The following CD5 variants were observed in gnomAD, a reference collection of about 807,000 sequenced individuals.
CD5 encodes T-cell surface glycoprotein CD5.
A neutral mutation model predicts 60.3 loss-of-function variants in CD5; 36 were observed. That is an observed-to-expected ratio of 0.60 (90% CI 0.46 to 0.79). The LOEUF (loss-of-function observed/expected upper bound fraction) is 0.79. Among genes scored for constraint, CD5 ranks in the 30% least tolerant of loss-of-function variants. The pLI is 0.00. For synonymous variants in CD5, 230 were observed against 257.6 expected, an observed-to-expected ratio of 0.89 and a Z score of 1.03; for missense variants, 540 against 630.6, an observed-to-expected ratio of 0.86 and a Z score of 1.54.
upstream of CD5, among the ~76,000 whole-genome samples, chr11:61,101,241 T>A (rs1370513056): frequency 9.1e-5 from 6 of 66,188 alleles, no homozygotes; most frequent in South Asian, 8.6e-4. Flanking sequence ...GGAGATCACA[T>A]TCACACACAT....
chr11:61,114,977 G>T, intron 1 of CD5, 79 bp from the exon 2 acceptor site: 1 of 1,391,626 alleles, frequency 7.2e-7, no homozygotes, highest in South Asian at 1.3e-5. Context: ...GCCATTGCTC[G>T]GGCTGTGGGT....
Position 61,119,396 on chromosome 11 carries a change from T to A in CD5, c.626T>A (p.Phe209Tyr). 1 of 1,614,142 alleles carries A rather than the reference T, an allele frequency of 6.2e-7. No individual in the cohort carries two copies. The highest frequency in any genetic ancestry group is 8.5e-7 in the Non-Finnish European group (1 of 1,180,024). The change falls in exon 5 of 11, where the codon TTC (phenylalanine) becomes TAC (tyrosine). Residue 209 changes from phenylalanine (F) to tyrosine (Y), a missense_variant. Physicochemically the swap from Phe to Tyr is conservative, Grantham distance 22. Coordinates refer to ENST00000347785, the MANE Select transcript of CD5 (RefSeq NM_014207.4). ...TGCAACAACCTCCAGTGTGGCTCCT[T>A]CTTGAAGCATCTGCCAGAGACTGAG... ...FLCNNLQCGSFLKHLPETEAG... is the reference protein window; with the variant it reads ...FLCNNLQCGSYLKHLPETEAG...
At chr11:61,099,631 ATT>A (rs1416880782), upstream of CD5, among the ~76,000 whole-genome samples, 3 of 151,088 alleles carry the variant, frequency 2.0e-5, no homozygotes, top group East Asian at 3.9e-4. Flanking sequence ...TGGAGATCAC[ATT>A]CACACACATC....
At chr11:61,126,156 G>A (rs887349155) in intron 10 of CD5, 132 bp from the exon 11 acceptor site, 7 of 232,734 alleles carry the variant, frequency 3.0e-5, no homozygotes, top group African/African-American at 1.1e-4. Context: ...ACCTGCCAGC[G>A]GGCAGAAGGA....
At chr11:61,096,547 G>C in the CD5 span, among the ~76,000 whole-genome samples, 18 of 152,186 alleles carry the variant, frequency 1.2e-4, no homozygotes, top group African/African-American at 4.3e-4. Context: ...TCGGTGGGGG[G>C]ACATGAGATA....
rs1401070281 is a variant in CD5, at chr11:61,121,852, G to A, written c.1047G>A (p.Gln349=). The A allele has an allele frequency of 1.9e-6, 3 of 1,576,570 alleles. No individual in the cohort carries two copies. The highest frequency in any genetic ancestry group is 2.3e-5 in the East Asian group (1 of 43,494). ...GLFCPHQKLS[Q]CHELWERNSY... is the part of the protein sequence containing the mutation. Reference sequence around the variant, plus strand: ...TCTGTCCCCATCAGAAGCTGTCCCAGTGCCACGAACTTTGGGAGAGAAATT... The same window carrying A: ...TCTGTCCCCATCAGAAGCTGTCCCAATGCCACGAACTTTGGGAGAGAAATT... The change falls in exon 6 of 11, where the codon CAG becomes CAA. Residue 349 remains glutamine, a synonymous_variant. Coordinates refer to ENST00000347785, the MANE Select transcript of CD5 (RefSeq NM_014207.4).
chr11:61,114,846 G>GA (rs199921944), intron 1 of CD5, among the ~76,000 whole-genome samples: 14 of 151,798 alleles, frequency 9.2e-5, no homozygotes, highest in African/African-American at 2.4e-4. Context: ...TTTTTAAGAA[G>GA]AAAAAAAATC....
intron 1 of CD5, among the ~76,000 whole-genome samples, chr11:61,106,720 G>C (rs951764728): frequency 6.6e-6 from 1 of 152,158 alleles, no homozygotes; most frequent in African/African-American, 2.4e-5. Flanking sequence ...CTGTGTTTGC[G>C]TATGAACACA....
At chr11:61,103,349 C>A (rs1282170546) in intron 1 of CD5, among the ~76,000 whole-genome samples, 1 of 152,158 alleles carries the variant, frequency 6.6e-6, no homozygotes, top group Non-Finnish European at 1.5e-5. Flanking sequence ...CTGGATGAGG[C>A]CTGACCCACT....
chr11:61,119,131 C>A (rs1258564350), intron 4 of CD5, 103 bp from the exon 5 acceptor site: 4 of 1,231,086 alleles, frequency 3.2e-6, no homozygotes, highest in East Asian at 2.3e-5. Flanking sequence ...CAAGGCTAAG[C>A]GTTAGTCAGT....
In CD5 at chr11:61,118,963, C is replaced by T. The variant is rs753934519; in HGVS notation, c.449C>T (p.Thr150Ile). The T allele has an allele frequency of 5.0e-6, 8 of 1,613,746 alleles. No individual in the cohort carries two copies. Among genetic ancestry groups the T allele is most frequent in the Non-Finnish European group, 5.9e-6 (7 of 1,179,722 alleles). Residue 150 changes from threonine (T) to isoleucine (I), a missense_variant, in exon 4 of 11, where the codon ACT becomes ATT. Transcript: ENST00000347785. This position sits in a 1 kb window ranked among gnomAD's most constrained non-coding sequence, Gnocchi z 4.7. ...PPTTRPPPTT[T>I]PEPTAPPRLQ... The stretch of plus-strand genomic sequence containing the variant: ...ACGACAAGGCCCCCGCCCACCACAA[C>T]TCCAGAGCCCACAGGTAAGAGGATT...
At chr11:61,101,568 C>T (rs532395632), upstream of CD5, among the ~76,000 whole-genome samples, 102 of 150,766 alleles carry the variant, frequency 6.8e-4, no homozygotes, top group African/African-American at 2.3e-3. Flanking sequence ...GGAGATCATA[C>T]ACACACATCA....
intron 6 of CD5, among the ~76,000 whole-genome samples, chr11:61,122,480 T>C (rs1027774801): frequency 6.7e-6 from 1 of 149,572 alleles, no homozygotes; most frequent in Non-Finnish European, 1.5e-5. Context: ...GACTGATGGA[T>C]GGGTGAGTGG....
chr11:61,101,913 C>T (rs1278898877), upstream of CD5, among the ~76,000 whole-genome samples: 1,562 of 35,182 alleles, frequency 0.044, 26 homozygotes, highest in African/African-American at 0.17. Flanking sequence ...TCTCTCTCTA[C>T]ACACACACAC....
chr11:61,096,985 C>T, the CD5 span, among the ~76,000 whole-genome samples: 1 of 152,150 alleles, frequency 6.6e-6, no homozygotes, highest in Non-Finnish European at 1.5e-5. Flanking sequence ...CGGAACACCC[C>T]CCTCCTACCT....
chr11:61,103,094 G>A (rs1041881226), intron 1 of CD5, among the ~76,000 whole-genome samples: 5 of 152,210 alleles, frequency 3.3e-5, no homozygotes, highest in South Asian at 4.1e-4. Flanking sequence ...GGGTGGAGCC[G>A]CCTCTGAGGA....
chr11:61,105,600 G>C (rs1404705407), intron 1 of CD5, among the ~76,000 whole-genome samples: 2 of 152,180 alleles, frequency 1.3e-5, no homozygotes. Flanking sequence ...GAGCCAATGG[G>C]GAGGAGGGTC....
chr11:61,123,172 T>A, intron 7 of CD5, 140 bp downstream of exon 7: 1 of 973,744 alleles, frequency 1.0e-6, no homozygotes. Context: ...AGCCTTCCCC[T>A]CTCCTGCCCA....
intron 2 of CD5, among the ~76,000 whole-genome samples, chr11:61,117,442 CA>C (rs1269565641): frequency 3.3e-5 from 5 of 152,110 alleles, no homozygotes; most frequent in Admixed American, 6.5e-5. Flanking sequence ...TTCCATCGAA[CA>C]GTATCCTTAA....
Sources: gnomAD v4.1 joint callset for allele counts (sites outside exome capture counted in the v4.1 genomes callset) on GRCh38, gnomAD v4.1.1 for gene constraint, Gnocchi (gnomAD v3.1) non-coding constraint, MANE v1.5 for transcripts, NCBI Gene and HGNC (gene_info 2026-07-23, HGNC 2026-07-21) for gene names.